The following PTDSS1 variants were observed in gnomAD, a reference collection of about 807,000 sequenced individuals.
PTDSS1 encodes the protein phosphatidylserine synthase 1.
A neutral mutation model predicts 70.5 loss-of-function variants in PTDSS1; 45 were observed. That is an observed-to-expected ratio of 0.64 (90% CI 0.50 to 0.82). The LOEUF is 0.82. Among genes scored for constraint, PTDSS1 ranks in the 40% least tolerant of loss-of-function variants. PTDSS1 has a pLI of 0.00. For synonymous variants in PTDSS1, 188 were observed against 203.8 expected, an observed-to-expected ratio of 0.92 and a Z score of 0.66; for missense variants, 417 against 586.1, an observed-to-expected ratio of 0.71 and a Z score of 2.98.
At chr8:96,316,994 A>AATATATATAT (rs545890811) in intron 9 of PTDSS1, among the ~76,000 whole-genome samples, 1 of 147,844 alleles carries the variant, frequency 6.8e-6, no homozygotes, top group African/African-American at 2.5e-5. Flanking sequence ...ACTCCGTCTA[A>AATATATATAT]ATATATATAT....
At chr8:96,268,791 T>G (rs1810522133) in intron 1 of PTDSS1, among the ~76,000 whole-genome samples, 1 of 152,312 alleles carries the variant, frequency 6.6e-6, no homozygotes, top group Non-Finnish European at 1.5e-5. Flanking sequence ...TATTTGCTGA[T>G]GGTCTCAATA....
intron 9 of PTDSS1, among the ~76,000 whole-genome samples, chr8:96,314,666 G>A (rs1009952410): frequency 6.6e-5 from 10 of 151,536 alleles, no homozygotes; most frequent in African/African-American, 4.8e-5. Flanking sequence ...GTGCCATCTC[G>A]GCTCACTGCA....
At chr8:96,265,002 T>C (rs1440451445) in intron 1 of PTDSS1, among the ~76,000 whole-genome samples, 2 of 152,220 alleles carry the variant, frequency 1.3e-5, no homozygotes. Flanking sequence ...TACTAAATCT[T>C]ACTCATTTTT....
chr8:96,318,024 A>C (rs572442025), intron 9 of PTDSS1, among the ~76,000 whole-genome samples: 5 of 151,998 alleles, frequency 3.3e-5, no homozygotes, highest in Admixed American at 2.6e-4. Flanking sequence ...TTAGTCGGCC[A>C]ATCAGCATGC....
At chr8:96,294,845 C>G (rs1810952783) in intron 4 of PTDSS1, among the ~76,000 whole-genome samples, 1 of 152,136 alleles carries the variant, frequency 6.6e-6, no homozygotes, top group Admixed American at 6.6e-5. Flanking sequence ...TATGTTGAGC[C>G]TTTGTAAAAT....
intron 5 of PTDSS1, 146 bp downstream of exon 5, chr8:96,295,402 T>G: frequency 1.1e-6 from 1 of 881,794 alleles, no homozygotes; most frequent in East Asian, 3.2e-5. Flanking sequence ...ATAAGAATAT[T>G]TAATACTTCT....
intron 9 of PTDSS1, among the ~76,000 whole-genome samples, chr8:96,317,481 T>A (rs1437643411): frequency 6.6e-6 from 1 of 152,162 alleles, no homozygotes; most frequent in African/African-American, 2.4e-5. Flanking sequence ...ATACCTGTAA[T>A]CCTAGCACTT....
intron 4 of PTDSS1, among the ~76,000 whole-genome samples, chr8:96,289,353 C>G (rs1810870160): frequency 6.6e-6 from 1 of 152,166 alleles, no homozygotes; most frequent in East Asian, 1.9e-4. Flanking sequence ...CAGGAACTTA[C>G]CAAGTCACCT....
chr8:96,333,458 T>A lies in PTDSS1; in HGVS notation c.1314T>A (p.Gly438=). Residue 438 remains glycine (G), a splice_region_variant and synonymous_variant, in exon 13 of 13, where the codon GGT becomes GGA. Transcript: ENST00000517309. ...GTGTGCTCTGATTCCTTTGGCCAGG[T>A]TCTGAAGACAGCCCACCCAAGCATG... ...ISWHHRKGTK[G]SEDSPPKHAG... is the part of the protein sequence containing the mutation. The A allele has an allele frequency of 6.2e-7, 1 of 1,612,078 alleles. No individual in the cohort carries two copies. The highest frequency in any genetic ancestry group is 8.5e-7 in the Non-Finnish European group (1 of 1,178,180).
At chr8:96,330,535 A>G in intron 11 of PTDSS1, 1 of 484,760 alleles carries the variant, frequency 2.1e-6, no homozygotes, top group Admixed American at 3.3e-5. Context: ...GTTTGTTTGG[A>G]GAAAAAAAGA....
intron 1 of PTDSS1, among the ~76,000 whole-genome samples, chr8:96,263,687 T>C (rs1810447122): frequency 6.6e-6 from 1 of 152,144 alleles, no homozygotes; most frequent in African/African-American, 2.4e-5. Context: ...GTCACAAGGA[T>C]TGAGAGAACT....
intron 6 of PTDSS1, among the ~76,000 whole-genome samples, chr8:96,300,685 C>T (rs1811037958): frequency 6.6e-6 from 1 of 152,160 alleles, no homozygotes; most frequent in Non-Finnish European, 1.5e-5. Context: ...TAGCATTTTC[C>T]CACATCATTA....
intron 10 of PTDSS1, among the ~76,000 whole-genome samples, chr8:96,327,025 G>T (rs77495622): frequency 0.13 from 20,517 of 152,206 alleles, 1,604 homozygotes; most frequent in Middle Eastern, 0.2. Flanking sequence ...CAGATTGGAG[G>T]ATATAGGAGA....
intron 5 of PTDSS1, among the ~76,000 whole-genome samples, chr8:96,296,057 C>T (rs28420571): frequency 0.078 from 11,767 of 150,670 alleles, 521 homozygotes; most frequent in African/African-American, 0.099. Flanking sequence ...GTCGTGGTCC[C>T]TGGGCTTGTT....
At chr8:96,310,770 CT>C (rs915267799) in intron 9 of PTDSS1, among the ~76,000 whole-genome samples, 143 of 147,332 alleles carry the variant, frequency 9.7e-4, no homozygotes, top group African/African-American at 2.9e-3. Flanking sequence ...AATGTTATAT[CT>C]TTTTTTTTTT....
chr8:96,311,888 G>A (rs2319601), intron 9 of PTDSS1, among the ~76,000 whole-genome samples: 60,024 of 152,034 alleles, frequency 0.39, 12,962 homozygotes, highest in East Asian at 0.61. Flanking sequence ...TCCTTCTAAA[G>A]GATTGTCCAA....
intron 1 of PTDSS1, among the ~76,000 whole-genome samples, chr8:96,269,884 G>A (rs374970974): frequency 6.6e-6 from 1 of 152,200 alleles, no homozygotes; most frequent in Non-Finnish European, 1.5e-5. Context: ...ATGAGTGGAC[G>A]TAAATGAAGG....
chr8:96,326,465 T>C (rs2130174323), intron 10 of PTDSS1, among the ~76,000 whole-genome samples: 1 of 152,292 alleles, frequency 6.6e-6, no homozygotes, highest in South Asian at 2.1e-4. Context: ...CCGTGCCTGG[T>C]GCATAGGAAG....
intron 9 of PTDSS1, 152 bp downstream of exon 9, chr8:96,309,774 T>C: frequency 1.9e-6 from 1 of 530,458 alleles, no homozygotes. Context: ...TATCTATATA[T>C]ACATAGATAT....
Sources: allele counts gnomAD v4.1 joint callset (sites outside exome capture counted in the v4.1 genomes callset), GRCh38; gene constraint gnomAD v4.1.1; transcripts MANE v1.5; gene names NCBI Gene and HGNC (gene_info 2026-07-23, HGNC 2026-07-21).